Variants in SRP72 observed in about 807,000 individuals in gnomAD.
The protein encoded by SRP72 is signal recognition particle subunit SRP72.
SRP72 carries 49 observed loss-of-function variants against 96.3 expected under a neutral mutation model. The ratio of observed to expected loss-of-function variants is 0.51; its 90% CI spans 0.40 to 0.65. The LOEUF (loss-of-function observed/expected upper bound fraction) is 0.65, where lower values mean the gene tolerates loss of function less well. SRP72 is among the 30% of genes least tolerant of loss of function. SRP72 has a pLI of 0.00. For synonymous variants in SRP72, 267 were observed against 275.2 expected (o/e 0.97, Z 0.30); for missense variants, 736 against 793.3 (o/e 0.93, Z 0.87).
intron 4 of SRP72, 39 bp downstream of exon 4, chr4:56,474,236 A>AT: frequency 1.9e-6 from 3 of 1,613,200 alleles, no homozygotes; most frequent in Non-Finnish European, 2.5e-6. Context: ...GTCATGAATT[A>AT]TTATTCATAT....
chr4:56,500,723 A>G, intron 18 of SRP72, 28 bp downstream of exon 18: 2 of 1,593,058 alleles, frequency 1.3e-6, no homozygotes, highest in South Asian at 2.3e-5. Flanking sequence ...AATTGAGGGC[A>G]CTTAGAACAT....
intron 11 of SRP72, 42 bp downstream of exon 11, chr4:56,486,439 C>T: frequency 6.7e-7 from 1 of 1,494,778 alleles, no homozygotes; most frequent in South Asian, 1.3e-5. Flanking sequence ...TTAATGAAAA[C>T]ATGTTTGGAA....
intron 2 of SRP72, 137 bp downstream of exon 2, chr4:56,469,910 G>T (rs1719901454): frequency 4.0e-5 from 27 of 682,764 alleles, no homozygotes; most frequent in Admixed American, 1.9e-4. Context: ...CCTTTTGCTT[G>T]TCAATAATGT....
In SRP72 at chr4:56,478,661, T is replaced by TTG; in HGVS notation, c.825+15_825+16dup. On this transcript the variant is annotated intron_variant, in intron 8 of 18. Transcript: ENST00000642900. ...TTACCATTAACAAGGTATGGAGTATTTGTGCTTTCCATAGATATATTTTAC... is the reference window on the plus strand; with the variant it reads ...TTACCATTAACAAGGTATGGAGTATTTGTGTGCTTTCCATAGATATATTTTAC... 1.9e-6 allele frequency: 3 copies of TTG among 1,610,540 alleles called. No individual in the cohort carries two copies. Among genetic ancestry groups the TTG allele is most frequent in the Non-Finnish European group, 2.5e-6 (3 of 1,178,372 alleles).
chr4:56,487,039 G>A (rs969645734), intron 11 of SRP72, among the ~76,000 whole-genome samples: 2 of 152,152 alleles, frequency 1.3e-5, no homozygotes, highest in Non-Finnish European at 2.9e-5. Context: ...CCACATCTTA[G>A]AAGCTTAGTA....
At position 56,483,262 on chromosome 4, in the gene SRP72, A is replaced by C. The variant is rs187131645; in HGVS notation, c.949A>C (p.Thr317Pro). The C allele has an allele frequency of 2.5e-6, 4 of 1,612,810 alleles. No homozygotes were observed. In the Admixed American group the frequency reaches 6.7e-5, roughly 27 times the overall value. The change falls in exon 9 of 19, where the codon ACA becomes CCA. Residue 317 changes from threonine (T) to proline (P), a missense_variant. This residue lies in a region of SRP72 where 388 missense variants were observed against 431.8 expected (regional missense o/e 0.90). Transcript: ENST00000642900. The part of the protein sequence containing the change: ...EFNKALLAMY[T>P]NQAEQCRKIS... ...TAACAAAGCTTTACTTGCTATGTAC[A>C]CAAACCAGGTGGGTAATTACCTTTG...
At chr4:56,498,715 G>T (rs1721161847) in intron 17 of SRP72, among the ~76,000 whole-genome samples, 1 of 152,158 alleles carries the variant, frequency 6.6e-6, no homozygotes, top group South Asian at 2.1e-4. Context: ...ACTAACAAGG[G>T]ATGTGAAGGA....
intron 12 of SRP72, 102 bp from the exon 13 acceptor site, chr4:56,489,286 C>T (rs962576009): frequency 5.8e-5 from 30 of 521,644 alleles, no homozygotes; most frequent in South Asian, 2.1e-4. Flanking sequence ...CAGGTATTAG[C>T]GGAGAGCCTT....
intron 16 of SRP72, among the ~76,000 whole-genome samples, chr4:56,491,876 G>T (rs565581353): frequency 7.3e-5 from 11 of 150,470 alleles, no homozygotes; most frequent in African/African-American, 2.4e-4. Flanking sequence ...TTGTTTGTTT[G>T]TTGAGACAGA....
Position 56,496,394 on chromosome 4 carries a change from C to T in SRP72, c.1678+1000C>T, listed in dbSNP as rs991613065. 2.0e-5 allele frequency among the ~76,000 whole-genome samples: 3 copies of T among 152,132 alleles called. No individual in the cohort carries two copies. The East Asian group carries it at 5.8e-4, about 29-fold the overall frequency. ...TTTAGTGGAGTTTGAGGAAGGTACA[C>T]AAGCTAATGTTTGTATCCATTTCAC... On this transcript the variant is annotated intron_variant, in intron 17 of 18. Transcript: ENST00000642900.
In SRP72 at chr4:56,502,496, C is replaced by CATATATATATATACAT. The variant is rs1721300371; in HGVS notation, c.*648_*649insCATATATATATATATA. 4 of 113,756 alleles carry CATATATATATATACAT rather than the reference C, an allele frequency of 3.5e-5. No homozygotes were observed. The highest frequency in any genetic ancestry group is 3.3e-4 in the Admixed American group (4 of 11,958). 7.0% of individuals were successfully genotyped at this position (113,756 alleles called of 1,614,324 possible). A position where few individuals can be genotyped will look rare whatever the true frequency, so the allele number is the denominator to read the frequency against. On this transcript the variant is annotated 3_prime_UTR_variant, in exon 19 of 19. Coordinates refer to ENST00000642900, the MANE Select transcript of SRP72 (RefSeq NM_006947.4). ...ATATATATATATGTATATATATATACATATATATATATATATAAACATGAA... is the reference window on the plus strand; with the variant it reads ...ATATATATATATGTATATATATATACATATATATATATACATATATATATATATATATAAACATGAA...
intron 16 of SRP72, 52 bp downstream of exon 16, chr4:56,491,620 G>A: frequency 6.5e-7 from 1 of 1,537,150 alleles, no homozygotes; most frequent in Non-Finnish European, 8.9e-7. Flanking sequence ...ATTAGACAAG[G>A]AATAAAAAAT....
intron 8 of SRP72, among the ~76,000 whole-genome samples, chr4:56,479,507 TTTTC>T (rs1042711776): frequency 1.3e-5 from 2 of 151,462 alleles, no homozygotes; most frequent in East Asian, 3.9e-4. Context: ...AAAGCTTTAT[TTTTC>T]TTTCTTTCTT....
At position 56,484,802 on chromosome 4, in the gene SRP72, T is replaced by G. The variant is rs1253501236; in HGVS notation, c.1024T>G (p.Leu342Val). 6.2e-7 allele frequency: 1 copy of G among 1,614,098 alleles called. No homozygotes were observed. Among genetic ancestry groups the G allele is most frequent in the African/African-American group, 1.3e-5 (1 of 74,942 alleles). The change falls in exon 10 of 19, where the codon TTA becomes GTA. Residue 342 changes from leucine (L) to valine (V), a missense_variant. Transcript: ENST00000642900. The part of the protein sequence containing the change: ...SQSPEHLLPV[L>V]IQAAQLCREK... Reference sequence around the variant, plus strand: ...AAGTCCCGAGCATCTCTTACCTGTGTTAATCCAAGCTGCCCAGCTCTGCCG... The same window carrying G: ...AAGTCCCGAGCATCTCTTACCTGTGGTAATCCAAGCTGCCCAGCTCTGCCG...
chr4:56,478,399 A>G lies in SRP72; in HGVS notation c.663A>G (p.Pro221=). The G allele has an allele frequency of 6.2e-7, 1 of 1,609,844 alleles. No homozygotes were observed. The highest frequency in any genetic ancestry group is 8.5e-7 in the Non-Finnish European group (1 of 1,178,552). ...SEDTDGTEED[P]QAELAIIHGQ... The stretch of plus-strand genomic sequence containing the variant: ...CTTAGGATGGGACTGAGGAAGACCC[A>G]CAGGCAGAACTGGCCATCATTCATG... The change falls in exon 7 of 19, where the codon CCA becomes CCG. Residue 221 remains proline, a synonymous_variant. Transcript: ENST00000642900.
chr4:56,476,518 G>A (rs1720228794), intron 5 of SRP72, 153 bp from the exon 6 acceptor site: 1 of 733,950 alleles, frequency 1.4e-6, no homozygotes, highest in South Asian at 1.6e-5. Flanking sequence ...TATATATGTA[G>A]TATATTTGAT....
intron 1 of SRP72, among the ~76,000 whole-genome samples, chr4:56,469,400 A>G (rs540475074): frequency 6.6e-6 from 1 of 152,288 alleles, no homozygotes; most frequent in East Asian, 1.9e-4. Flanking sequence ...GTACATGTAT[A>G]TTGGGAATCT....
chr4:56,482,298 A>AG (rs1387875849), intron 8 of SRP72, among the ~76,000 whole-genome samples: 1 of 150,610 alleles, frequency 6.6e-6, no homozygotes, highest in South Asian at 2.1e-4. Context: ...AAAAAAAAAA[A>AG]TTAGCCAGGC....
At chr4:56,476,497 G>C (rs867181818) in intron 5 of SRP72, 174 bp from the exon 6 acceptor site, 12 of 629,308 alleles carry the variant, frequency 1.9e-5, no homozygotes, top group Middle Eastern at 8.1e-4. Context: ...GGAAAGTCAA[G>C]AGACTGATAA....
Sources: allele counts gnomAD v4.1 joint callset (sites outside exome capture counted in the v4.1 genomes callset), GRCh38; gene constraint gnomAD v4.1.1; regional missense constraint gnomAD v4.1.1; transcripts MANE v1.5; gene names NCBI Gene and HGNC (gene_info 2026-07-23, HGNC 2026-07-21).